Variants in MYOF observed in about 807,000 individuals in gnomAD.
MYOF encodes fer-1-like 3, myoferlin.
In MYOF, 244 loss-of-function variants were observed where a neutral mutation model predicts 284.2. The observed-to-expected ratio is 0.86, with a 90% CI of 0.77 to 0.95. MYOF has a LOEUF of 0.95. Among genes scored for constraint, MYOF ranks in the 40% least tolerant of loss-of-function variants. The pLI, the probability that MYOF is intolerant of heterozygous loss-of-function variation, is 0.00. For synonymous variants in MYOF, 904 were observed against 919.7 expected, an observed-to-expected ratio of 0.98 and a Z score of 0.31; for missense variants, 2,496 against 2,560.6, an observed-to-expected ratio of 0.97 and a Z score of 0.54.
chr10:93,437,999 T>G (rs921288992), intron 3 of MYOF, among the ~76,000 whole-genome samples: 25 of 152,148 alleles, frequency 1.6e-4, no homozygotes, highest in African/African-American at 6.0e-4. Context: ...TGAAATCCAG[T>G]GTTAGCAGAG....
At chr10:93,382,175 G>T (rs71480866) in intron 19 of MYOF, among the ~76,000 whole-genome samples, 9,860 of 152,162 alleles carry the variant, frequency 0.065, 421 homozygotes, top group African/African-American at 0.13. Flanking sequence ...AGAGATTATG[G>T]CAAACTTTAC....
intron 3 of MYOF, among the ~76,000 whole-genome samples, chr10:93,451,459 C>T (rs927860572): frequency 6.6e-6 from 1 of 152,066 alleles, no homozygotes; most frequent in East Asian, 1.9e-4. Context: ...ATCATTCTGT[C>T]CCACGGGAAC....
chr10:93,429,846 G>A (rs1006018093), intron 4 of MYOF, among the ~76,000 whole-genome samples: 15 of 152,126 alleles, frequency 9.9e-5, no homozygotes, highest in South Asian at 2.1e-4. Flanking sequence ...TGGGACTTGC[G>A]ACACTTGAGT....
At chr10:93,435,465 A>G (rs1849076622) in intron 3 of MYOF, among the ~76,000 whole-genome samples, 1 of 152,234 alleles carries the variant, frequency 6.6e-6, no homozygotes, top group African/African-American at 2.4e-5. Flanking sequence ...CCCCAGGTTG[A>G]AAACAACTCC....
At chr10:93,401,646 T>G in intron 11 of MYOF, 102 bp from the exon 12 acceptor site, 1 of 1,465,022 alleles carries the variant, frequency 6.8e-7, no homozygotes, top group Non-Finnish European at 9.2e-7. Context: ...TCGTTTCCAT[T>G]AAGATTTCCT....
At position 93,366,543 on chromosome 10, in the gene MYOF, C is replaced by G. The variant is rs1262438359; in HGVS notation, c.2602G>C (p.Ala868Pro). The change falls in exon 26 of 54, where the codon GCT becomes CCT. Residue 868 changes from alanine (A) to proline (P), a missense_variant. Physicochemically the swap from Ala to Pro is conservative, Grantham distance 27 (BLOSUM62 -1). Around this residue, in one of 3 missense-constraint regions of MYOF, gnomAD observed 2,436 missense variants for 2,480.7 expected, o/e 0.98. Coordinates refer to ENST00000359263, the MANE Select transcript of MYOF (RefSeq NM_013451.4). ...TVFAEMYENQ[A>P]LMFGKWGTSG... ...GTACCCCATTTTCCAAACATGAGAG[C>G]TTGATTTTCATACTATTAAAAAAGA... 6.2e-7 allele frequency: 1 copy of G among 1,604,768 alleles called. No homozygotes were observed. Among genetic ancestry groups the G allele is most frequent in the African/African-American group, 1.3e-5 (1 of 74,210 alleles).
intron 3 of MYOF, among the ~76,000 whole-genome samples, chr10:93,440,841 G>A (rs1385695235): frequency 6.6e-6 from 1 of 152,140 alleles, no homozygotes; most frequent in African/African-American, 2.4e-5. Context: ...TCTTTCTCCA[G>A]GGCTGTGGCC....
chr10:93,431,584 C>T (rs1848872999), intron 3 of MYOF, 68 bp from the exon 4 acceptor site: 1 of 1,140,876 alleles, frequency 8.8e-7, no homozygotes, highest in East Asian at 2.5e-5. Flanking sequence ...CTCAGGACCT[C>T]TCAACCCCTA....
intron 5 of MYOF, among the ~76,000 whole-genome samples, chr10:93,417,838 C>T (rs973813523): frequency 7.9e-5 from 12 of 152,138 alleles, no homozygotes; most frequent in Non-Finnish European, 1.6e-4. Context: ...CCCACTTCAG[C>T]CCCTGGCAGC....
intron 49 of MYOF, among the ~76,000 whole-genome samples, chr10:93,318,321 TG>T (rs1842706195): frequency 6.6e-6 from 1 of 151,988 alleles, no homozygotes; most frequent in Non-Finnish European, 1.5e-5. Flanking sequence ...CTAGGGAGGC[TG>T]AGGTGGGAGG....
At chr10:93,379,808 A>G in intron 21 of MYOF, 55 bp downstream of exon 21, 1 of 1,605,484 alleles carries the variant, frequency 6.2e-7, no homozygotes, top group Non-Finnish European at 8.5e-7. Context: ...CCTCCATCCT[A>G]ATACCTAATT....
Position 93,443,472 on chromosome 10 carries a change from C to CTG in MYOF, c.236+8576_236+8577dup, listed in dbSNP as rs5787060. Among the ~76,000 whole-genome samples, 729 of 137,214 alleles carry CTG rather than the reference C, an allele frequency of 5.3e-3. 2 individuals are homozygous for CTG. Among genetic ancestry groups the CTG allele is most frequent in the Middle Eastern group, 0.015 (4 of 264 alleles). 90.0% of individuals were successfully genotyped at this position (137,214 alleles called of 152,430 possible). A position where few individuals can be genotyped will look rare whatever the true frequency, so the allele number is the denominator to read the frequency against. Reference sequence around the variant, plus strand: ...TTCTTCTCTCTCTCTCTCTCTCTCTCTGTGTGTGTGTGTGTGTGTGTGTGT... The same window carrying CTG: ...TTCTTCTCTCTCTCTCTCTCTCTCTCTGTGTGTGTGTGTGTGTGTGTGTGTGT... On this transcript the variant is annotated intron_variant, in intron 3 of 53. Transcript: ENST00000359263.
chr10:93,376,494 A>G (rs1300140232), intron 22 of MYOF, among the ~76,000 whole-genome samples: 2 of 148,464 alleles, frequency 1.3e-5, no homozygotes, highest in South Asian at 4.1e-4. Flanking sequence ...CAGCTCTAAC[A>G]TTCAGAACTT....
At chr10:93,403,946 G>T in intron 9 of MYOF, 77 bp downstream of exon 9, 2 of 1,485,498 alleles carry the variant, frequency 1.3e-6, no homozygotes, top group Non-Finnish European at 1.9e-6. Flanking sequence ...ACCAAGATGC[G>T]TACATAGGAA....
chr10:93,389,074 A>G lies in MYOF; in HGVS notation c.1537T>C (p.Tyr513His). 2 of 1,614,074 alleles carry G rather than the reference A, an allele frequency of 1.2e-6. No individual in the cohort carries two copies. Among genetic ancestry groups the G allele is most frequent in the Non-Finnish European group, 1.7e-6 (2 of 1,179,988 alleles). Residue 513 changes from tyrosine (Y) to histidine (H), a missense_variant, in exon 18 of 54, where the codon TAC becomes CAC. This residue lies in a region of MYOF where 2,436 missense variants were observed against 2,480.7 expected (regional missense o/e 0.98). Transcript: ENST00000359263. ...TCATAGGGGTCTGGGAATCCCGTGTACTCTCTGGGGCTTCCATAAAGATTC... is the reference window on the plus strand; with the variant it reads ...TCATAGGGGTCTGGGAATCCCGTGTGCTCTCTGGGGCTTCCATAAAGATTC... The part of the protein sequence containing the change: ...YLNLYGSPRE[Y>H]TGFPDPYDEL...
At chr10:93,481,925 C>A (rs1011927622) in intron 1 of MYOF, among the ~76,000 whole-genome samples, 182 bp downstream of exon 1, 4 of 152,142 alleles carry the variant, frequency 2.6e-5, no homozygotes, top group Non-Finnish European at 4.4e-5. Flanking sequence ...AGTCTCAAGC[C>A]CTGGAGAAAA....
chr10:93,434,440 A>G lies in MYOF; in HGVS notation c.237-2924T>C, dbSNP rs571338915. The stretch of plus-strand genomic sequence containing the variant: ...AGCAAGACCCTGTCTCAAAAAAAAA[A>G]AAAAAAACAAAAAAGAATCTGTAGT... On this transcript the variant is annotated intron_variant, in intron 3 of 53. Transcript: ENST00000359263. Among the ~76,000 whole-genome samples the G allele has an allele frequency of 3.4e-5, 5 of 148,762 alleles. No homozygotes were observed. In the East Asian group the frequency reaches 9.7e-4, roughly 29 times the overall value.
In MYOF at chr10:93,359,900, T is replaced by C. The variant is rs974781252; in HGVS notation, c.3053A>G (p.His1018Arg). 5 of 1,614,098 alleles carry C rather than the reference T, an allele frequency of 3.1e-6. No homozygotes were observed. Among genetic ancestry groups the C allele is most frequent in the South Asian group, 1.1e-5 (1 of 91,092 alleles). The change falls in exon 29 of 54, where the codon CAT becomes CGT. Residue 1018 changes from histidine to arginine, a missense_variant. This residue lies in a region of MYOF where 2,436 missense variants were observed against 2,480.7 expected (regional missense o/e 0.98). Transcript: ENST00000359263. ...WVAAEKMYHT[H>R]RRRRLVRKRK... ...TTTTCGGACCAGCCTTCGCCGTCTA[T>C]GAGTGTGGTACATTTTCTCTGCTGC...
intron 1 of MYOF, among the ~76,000 whole-genome samples, chr10:93,479,009 C>T (rs2057333911): frequency 6.6e-6 from 1 of 152,030 alleles, no homozygotes; most frequent in Non-Finnish European, 1.5e-5. Context: ...GGCCATTCTT[C>T]ACCGTCTTAT....
Sources: gnomAD v4.1 joint callset for allele counts (sites outside exome capture counted in the v4.1 genomes callset) on GRCh38, gnomAD v4.1.1 for gene constraint, gnomAD v4.1.1 regional missense constraint, MANE v1.5 for transcripts, NCBI Gene and HGNC (gene_info 2026-07-23, HGNC 2026-07-21) for gene names.